MARCHF8: variants seen among roughly 807,000 people sequenced by gnomAD.
MARCHF8 encodes the protein membrane associated ring-CH-type finger 8, also known as E3 ubiquitin-protein ligase MARCHF8.
MARCHF8 carries 40 observed loss-of-function variants against 51.6 expected under a neutral mutation model. That is an observed-to-expected ratio of 0.77 (90% confidence interval 0.60 to 1.01). MARCHF8 has a LOEUF of 1.01. Among genes scored for constraint, MARCHF8 ranks in the 50% least tolerant of loss-of-function variants. The probability of loss-of-function intolerance (pLI) is 0.00; values close to 1 mark genes in which losing one functional copy is unlikely to be tolerated. For missense variants in MARCHF8, 685 were observed against 708.6 expected (o/e 0.97, Z 0.38); for synonymous variants, 263 against 280.3 (o/e 0.94, Z 0.62).
chr10:45,535,928 G>T (rs576015341), upstream of MARCHF8, among the ~76,000 whole-genome samples: 1 of 152,280 alleles, frequency 6.6e-6, no homozygotes, highest in South Asian at 2.1e-4. Context: ...AATTGGAAAT[G>T]GATGTCCATG....
At chr10:45,557,416 A>C (rs2044264622) in intron 1 of MARCHF8, among the ~76,000 whole-genome samples, 1 of 152,072 alleles carries the variant, frequency 6.6e-6, no homozygotes, top group African/African-American at 2.4e-5. Flanking sequence ...GACGTGAGAC[A>C]CCACGCCTGG....
At chr10:45,512,385 A>G (rs71496604) in intron 2 of MARCHF8, among the ~76,000 whole-genome samples, 9,018 of 145,000 alleles carry the variant, frequency 0.062, 312 homozygotes, top group Non-Finnish European at 0.066. Context: ...CGCCCCGTCC[A>G]GGAGGGAGGT....
chr10:45,589,775 A>C (rs1054391601), intron 1 of MARCHF8, among the ~76,000 whole-genome samples: 15 of 152,328 alleles, frequency 9.8e-5, no homozygotes, highest in African/African-American at 3.6e-4. Context: ...ATAATAGTCC[A>C]CTGCATGGAT....
chr10:45,486,949 GC>G (rs1406169379), intron 3 of MARCHF8, among the ~76,000 whole-genome samples: 1 of 151,472 alleles, frequency 6.6e-6, no homozygotes, highest in African/African-American at 2.4e-5. Context: ...AGCTGGGACT[GC>G]AGGTGTGCAC....
At chr10:45,564,208 G>GGAAGCT (rs1359474932) in intron 1 of MARCHF8, among the ~76,000 whole-genome samples, 1 of 152,164 alleles carries the variant, frequency 6.6e-6, no homozygotes, top group East Asian at 1.9e-4. Flanking sequence ...CCTGGGAAGC[G>GGAAGCT]GAAGCTGCAG....
intron 1 of MARCHF8, among the ~76,000 whole-genome samples, chr10:45,578,912 A>T: frequency 6.6e-6 from 1 of 152,250 alleles, no homozygotes; most frequent in South Asian, 2.1e-4. Flanking sequence ...TGAAAGGTTA[A>T]CAAAGTACTC....
chr10:45,528,266 A>T (rs899787730), intron 2 of MARCHF8, among the ~76,000 whole-genome samples: 1 of 152,210 alleles, frequency 6.6e-6, no homozygotes. Context: ...CAGTAATGCA[A>T]TAGAAAGAAA....
chr10:45,509,043 C>T (rs1360840226), intron 2 of MARCHF8, among the ~76,000 whole-genome samples: 1 of 152,164 alleles, frequency 6.6e-6, no homozygotes, highest in African/African-American at 2.4e-5. Context: ...TTTCAATCAG[C>T]TACAGGCCAG....
intron 3 of MARCHF8, among the ~76,000 whole-genome samples, chr10:45,465,748 C>T (rs1363175306): frequency 6.6e-6 from 1 of 152,226 alleles, no homozygotes; most frequent in African/African-American, 2.4e-5. Context: ...CATGTGTACA[C>T]TGAGATCACG....
At chr10:45,574,354 A>C (rs944249658) in intron 1 of MARCHF8, among the ~76,000 whole-genome samples, 5 of 152,130 alleles carry the variant, frequency 3.3e-5, no homozygotes, top group Admixed American at 1.3e-4. Flanking sequence ...GCATCTTATC[A>C]ACCAAATTGT....
chr10:45,477,250 T>C (rs904859651), intron 3 of MARCHF8, among the ~76,000 whole-genome samples: 4 of 151,832 alleles, frequency 2.6e-5, no homozygotes, highest in Non-Finnish European at 5.9e-5. Flanking sequence ...AAGTTATCAC[T>C]CATAAATGAG....
At chr10:45,517,764 A>C (rs1467851476) in intron 2 of MARCHF8, among the ~76,000 whole-genome samples, 6 of 152,208 alleles carry the variant, frequency 3.9e-5, no homozygotes, top group African/African-American at 1.4e-4. Flanking sequence ...AAGACTCTGG[A>C]ATACAGTGCC....
At chr10:45,583,255 A>G (rs1329933700) in intron 1 of MARCHF8, among the ~76,000 whole-genome samples, 3 of 152,188 alleles carry the variant, frequency 2.0e-5, no homozygotes, top group Non-Finnish European at 4.4e-5. Context: ...TGAATAGGGG[A>G]AAGAACACCA....
chr10:45,520,776 T>G (rs1232526836), intron 2 of MARCHF8, among the ~76,000 whole-genome samples: 1 of 152,248 alleles, frequency 6.6e-6, no homozygotes, highest in Non-Finnish European at 1.5e-5. Flanking sequence ...AAGAATGTAA[T>G]TACATTTTTT....
intron 1 of MARCHF8, among the ~76,000 whole-genome samples, chr10:45,534,012 T>C (rs1014526328): frequency 1.3e-5 from 2 of 152,082 alleles, no homozygotes; most frequent in African/African-American, 2.4e-5. Flanking sequence ...TGAAACCCTG[T>C]CTCTACTAAA....
chr10:45,586,440 C>T (rs2044619429), intron 1 of MARCHF8, among the ~76,000 whole-genome samples: 1 of 152,114 alleles, frequency 6.6e-6, no homozygotes, highest in Non-Finnish European at 1.5e-5. Context: ...TATACTCTTT[C>T]CGGTGTTAAG....
At chr10:45,499,182 T>C (rs1008410715) in intron 2 of MARCHF8, among the ~76,000 whole-genome samples, 1 of 152,230 alleles carries the variant, frequency 6.6e-6, no homozygotes, top group African/African-American at 2.4e-5. Context: ...GGTTTTGATT[T>C]GCGTTTCCCT....
intron 3 of MARCHF8, among the ~76,000 whole-genome samples, chr10:45,484,348 T>C (rs1338445697): frequency 6.6e-6 from 1 of 152,190 alleles, no homozygotes; most frequent in Non-Finnish European, 1.5e-5. Flanking sequence ...TCCTCCAGGA[T>C]GGCTCGTGGG....
chr10:45,478,216 A>G (rs899754588), intron 3 of MARCHF8, among the ~76,000 whole-genome samples: 2 of 152,214 alleles, frequency 1.3e-5, no homozygotes, highest in African/African-American at 4.8e-5. Context: ...TATCTTTCTC[A>G]GACCACAATG....
Sources: gnomAD v4.1 joint callset for allele counts (sites outside exome capture counted in the v4.1 genomes callset) on GRCh38, gnomAD v4.1.1 for gene constraint, MANE v1.5 for transcripts, NCBI Gene and HGNC (gene_info 2026-07-23, HGNC 2026-07-21) for gene names.